The following TRANK1 variants were observed in gnomAD, a reference collection of about 807,000 sequenced individuals.
TRANK1 encodes TPR and ankyrin repeat-containing protein 1.
Under a neutral mutation model 266.0 loss-of-function variants are expected in TRANK1, and 198 were observed. That is an observed-to-expected ratio of 0.74 (90% CI 0.66 to 0.84). The LOEUF (loss-of-function observed/expected upper bound fraction) is 0.84, where lower values mean the gene tolerates loss of function less well. TRANK1 is among the 40% of genes least tolerant of loss of function. TRANK1 has a pLI of 0.00. For synonymous variants in TRANK1, 1,396 were observed against 1,384.1 expected, an observed-to-expected ratio of 1.01 and a Z score of -0.19; for missense variants, 3,326 against 3,634.6, an observed-to-expected ratio of 0.92 and a Z score of 2.18.
At position 36,895,727 on chromosome 3, in the gene TRANK1, A is replaced by G; in HGVS notation, c.465T>C (p.Pro155=). ...CAGTTGTGAAAATATGATCAAAGCAAGGCAAGAAACTTTGCAAAACAATGG... is the reference window on the plus strand; with the variant it reads ...CAGTTGTGAAAATATGATCAAAGCAGGGCAAGAAACTTTGCAAAACAATGG... ...SDSIVLQSFL[P]CFDHIFTTGF... Residue 155 remains proline (P), a synonymous_variant, in exon 5 of 24, where the codon CCT becomes CCC. Coordinates refer to ENST00000645898, the MANE Select transcript of TRANK1 (RefSeq NM_001329998.2). The G allele has an allele frequency of 6.5e-7, 1 of 1,535,592 alleles. No homozygotes were observed. The highest frequency in any genetic ancestry group is 2.4e-5 in the East Asian group (1 of 40,842).
chr3:36,892,965 G>T lies in TRANK1; in HGVS notation c.572C>A (p.Ala191Glu), dbSNP rs1429529594. The T allele has an allele frequency of 1.3e-5, 19 of 1,507,202 alleles. No individual in the cohort carries two copies. Among genetic ancestry groups the T allele is most frequent in the Non-Finnish European group, 1.6e-5 (18 of 1,136,226 alleles). 93.4% of individuals were successfully genotyped at this position (1,507,202 alleles called of 1,614,324 possible). A position where few individuals can be genotyped will look rare whatever the true frequency, so the allele number is the denominator to read the frequency against. ...ATTTCTTGGTAATCGGTCTTTTTTT[G>T]CTGACAGAAGCAGAAATGACTGGTG... is the stretch of plus-strand genomic sequence containing the variant. Reference protein sequence around the residue: ...GLWHSFLLLSAKKDRLPRNIH... With the variant: ...GLWHSFLLLSEKKDRLPRNIH... The change falls in exon 6 of 24, where the codon GCA becomes GAA. Residue 191 changes from alanine to glutamate, a missense_variant. Coordinates refer to ENST00000645898, the MANE Select transcript of TRANK1 (RefSeq NM_001329998.2).
At position 36,944,817 on chromosome 3, in the gene TRANK1, G is replaced by A. The variant is rs1461877060; in HGVS notation, c.-8C>T. On this transcript the variant is annotated 5_prime_UTR_variant, in exon 1 of 24. Transcript: ENST00000645898. ...TGCCCGCGGGTCCCACATGGCTGCGGCCGGAGGGTCCGCACCAGGACCGCC... is the reference window on the plus strand; with the variant it reads ...TGCCCGCGGGTCCCACATGGCTGCGACCGGAGGGTCCGCACCAGGACCGCC... 2.7e-6 allele frequency: 4 copies of A among 1,488,780 alleles called. No individual in the cohort carries two copies. The South Asian group carries it at 5.0e-5, about 19-fold the overall frequency. The allele number at this position is 1,488,780 out of a possible 1,614,324, so 92.2% of individuals were successfully genotyped here. A position where few individuals can be genotyped will look rare whatever the true frequency, so the allele number is the denominator to read the frequency against.
intron 2 of TRANK1, among the ~76,000 whole-genome samples, chr3:36,906,283 G>T (rs2079966504): frequency 3.3e-5 from 5 of 152,234 alleles, no homozygotes; most frequent in Admixed American, 3.3e-4. Flanking sequence ...ATTTAATTTG[G>T]TGCCATTTCC....
At chr3:36,876,718 A>G (rs2079393843) in intron 8 of TRANK1, among the ~76,000 whole-genome samples, 1 of 152,254 alleles carries the variant, frequency 6.6e-6, no homozygotes, top group African/African-American at 2.4e-5. Flanking sequence ...CACACAACGG[A>G]GTAAAAGGCA....
Position 36,858,052 on chromosome 3 carries a change from G to A in TRANK1, c.1673-3C>T. The stretch of plus-strand genomic sequence containing the variant: ...GAGGAAGCTAAAACCAATGTCAGCT[G>A]AAAGACACAAACAAAACCCTGTGAG... On this transcript the variant is annotated splice_polypyrimidine_tract_variant and splice_region_variant and intron_variant, in intron 12 of 23. Transcript: ENST00000645898. 1 of 1,531,740 alleles carries A rather than the reference G, an allele frequency of 6.5e-7. No individual in the cohort carries two copies. 94.9% of individuals were successfully genotyped at this position (1,531,740 alleles called of 1,614,324 possible). A position where few individuals can be genotyped will look rare whatever the true frequency, so the allele number is the denominator to read the frequency against.
At chr3:36,834,362 A>T (rs2078738971) in intron 21 of TRANK1, 1 of 199,806 alleles carries the variant, frequency 5.0e-6, no homozygotes, top group African/African-American at 2.3e-5. Context: ...TGCATCAGCA[A>T]TTACACCAGT....
intron 9 of TRANK1, among the ~76,000 whole-genome samples, chr3:36,867,891 A>G (rs1437829027): frequency 6.6e-6 from 1 of 152,236 alleles, no homozygotes; most frequent in Non-Finnish European, 1.5e-5. Flanking sequence ...CACTGTGTGG[A>G]GTTTGCACGT....
intron 15 of TRANK1, 129 bp downstream of exon 15, chr3:36,851,590 G>A (rs1197965908): frequency 7.8e-7 from 1 of 1,276,502 alleles, no homozygotes; most frequent in Non-Finnish European, 1.1e-6. Context: ...CTGAATGAAT[G>A]ATGCTCTAAA....
Position 36,855,166 on chromosome 3 carries a change from G to T in TRANK1, c.4549+7C>A. 6.2e-7 allele frequency: 1 copy of T among 1,603,774 alleles called. No individual in the cohort carries two copies. The highest frequency in any genetic ancestry group is 1.1e-5 in the South Asian group (1 of 89,766). On this transcript the variant is annotated splice_region_variant and intron_variant, in intron 13 of 23. Transcript: ENST00000645898. ...CCCCAGTAGGCAAACCCAAGAGCTG[G>T]ACTTACCTGAGTGGGACCTGTAATT... is the stretch of plus-strand genomic sequence containing the variant.
At chr3:36,941,771 C>A (rs1427408435) in intron 1 of TRANK1, among the ~76,000 whole-genome samples, 1 of 152,200 alleles carries the variant, frequency 6.6e-6, no homozygotes, top group East Asian at 1.9e-4. Flanking sequence ...ATCTTTGCTG[C>A]CCCAAGTCTT....
intron 1 of TRANK1, among the ~76,000 whole-genome samples, chr3:36,938,850 C>T (rs956020149): frequency 2.0e-5 from 3 of 151,980 alleles, no homozygotes; most frequent in African/African-American, 7.3e-5. Flanking sequence ...GTCCCAGCTA[C>T]TCAGGAGGCT....
chr3:36,899,165 C>A lies in TRANK1; in HGVS notation c.377G>T (p.Ser126Ile). ...FFEGLRLVQR[S>I]QDQAPVADFL... ...ATCAGCAACCGGTGCCTGGTCTTGG[C>A]TTCTCTGCACAAGTCGCAGACCCTC... Residue 126 changes from serine (S) to isoleucine (I), a missense_variant, in exon 4 of 24, where the codon AGC becomes ATC. Transcript: ENST00000645898. The A allele has an allele frequency of 6.5e-7, 1 of 1,537,244 alleles. No homozygotes were observed. The highest frequency in any genetic ancestry group is 8.7e-7 in the Non-Finnish European group (1 of 1,146,914).
In TRANK1 at chr3:36,844,817, C is replaced by T. The variant is rs898255204; in HGVS notation, c.5191+1431G>A. Among the ~76,000 whole-genome samples the T allele has an allele frequency of 3.9e-5, 6 of 152,170 alleles. No individual in the cohort carries two copies. The East Asian group carries it at 1.2e-3, about 29-fold the overall frequency. ...GCCATCAGTAATAACCAGAAATAGCCTCCAAACTGGCTGAGGAATGCTCAG... is the reference window on the plus strand; with the variant it reads ...GCCATCAGTAATAACCAGAAATAGCTTCCAAACTGGCTGAGGAATGCTCAG... On this transcript the variant is annotated intron_variant, in intron 17 of 23. Transcript: ENST00000645898.
rs746754327 is a variant in TRANK1 at position 36,831,954 on chromosome 3, G to T, written c.7629C>A (p.Val2543=). 2 of 1,614,050 alleles carry T rather than the reference G, an allele frequency of 1.2e-6. No homozygotes were observed. The highest frequency in any genetic ancestry group is 1.7e-6 in the Non-Finnish European group (2 of 1,179,902). The change falls in exon 22 of 24, where the codon GTC becomes GTA. Residue 2543 remains valine (V), a synonymous_variant. Transcript: ENST00000645898. The surrounding 1 kb of genome is among the most constrained non-coding windows in gnomAD (Gnocchi z 5.0). ...CTATTTCACTGAAGGCATCAAGCAG[G>T]ACGTTGAAGTTCACATTCTCATAGC... ...LCGYENVNFN[V]LLDAFSEIDY... is the part of the protein sequence containing the mutation.
At chr3:36,907,658 G>A (rs1337984962) in intron 2 of TRANK1, among the ~76,000 whole-genome samples, 2 of 150,128 alleles carry the variant, frequency 1.3e-5, no homozygotes, top group Admixed American at 1.3e-4. Context: ...TAGAGATGGG[G>A]TTTCACCCTG....
rs748404500 is a variant in TRANK1 at position 36,855,293 on chromosome 3, G to T, written c.4429C>A (p.Arg1477Ser). The T allele has an allele frequency of 6.2e-7, 1 of 1,614,058 alleles. No individual in the cohort carries two copies. The highest frequency in any genetic ancestry group is 8.5e-7 in the Non-Finnish European group (1 of 1,179,898). The change falls in exon 13 of 24, where the codon CGC becomes AGC. Residue 1477 changes from arginine to serine, a missense_variant. Coordinates refer to ENST00000645898, the MANE Select transcript of TRANK1 (RefSeq NM_001329998.2). ...AACAGAGAGCGCAGATCGCTGAAGC[G>T]GAAGGCCACGCCCTTCATGATGCTC... ...AQSIMKGVAF[R>S]FSDLRSLFHY... is the part of the protein sequence containing the mutation.
chr3:36,834,730 G>A (rs1206215710), intron 21 of TRANK1, 32 bp downstream of exon 21: 3 of 1,593,268 alleles, frequency 1.9e-6, no homozygotes, highest in African/African-American at 2.7e-5. Flanking sequence ...GGGAGGAAGA[G>A]AGGGAGAAAG....
intron 17 of TRANK1, among the ~76,000 whole-genome samples, chr3:36,843,700 G>A (rs1441876553): frequency 6.6e-6 from 1 of 152,012 alleles, no homozygotes; most frequent in African/African-American, 2.4e-5. Flanking sequence ...GGTAATACTG[G>A]CAGACAAATC....
intron 10 of TRANK1, among the ~76,000 whole-genome samples, chr3:36,862,676 T>G (rs376603347): frequency 1.3e-5 from 2 of 152,148 alleles, no homozygotes; most frequent in East Asian, 1.9e-4. Flanking sequence ...GCCTAGGACA[T>G]TTGTTCGAAC....
Sources: allele counts gnomAD v4.1 joint callset (sites outside exome capture counted in the v4.1 genomes callset), GRCh38; gene constraint gnomAD v4.1.1; non-coding constraint Gnocchi (gnomAD v3.1); transcripts MANE v1.5; gene names NCBI Gene and HGNC (gene_info 2026-07-23, HGNC 2026-07-21).